The following NOXA1 variants were observed in gnomAD, a reference collection of about 807,000 sequenced individuals.
NOXA1 encodes NADPH oxidase activator 1.
In NOXA1, 56 loss-of-function variants were observed where a neutral mutation model predicts 64.8. That is an observed-to-expected ratio of 0.86 (90% CI 0.70 to 1.08). The LOEUF (loss-of-function observed/expected upper bound fraction) is 1.08, where lower values mean the gene tolerates loss of function less well. Ranked by LOEUF, NOXA1 falls within the 50% of genes least tolerant of loss-of-function variation. NOXA1 has a pLI of 0.00. For missense variants in NOXA1, 668 were observed against 658.5 expected (o/e 1.01, Z -0.16); for synonymous variants, 295 against 294.8 (o/e 1.00, Z -0.01).
rs879073978 is a variant in NOXA1, at chr9:137,429,360, G to A, written c.589G>A (p.Val197Met). 21 of 1,582,352 alleles carry A rather than the reference G, an allele frequency of 1.3e-5. No individual in the cohort carries two copies. Among genetic ancestry groups the A allele is most frequent in the East Asian group, 2.3e-5 (1 of 43,746 alleles). Residue 197 changes from valine (V) to methionine (M), a missense_variant, in exon 5 of 14, where the codon GTG becomes ATG. Transcript: ENST00000683555. Reference sequence around the variant, plus strand: ...GTGGCACCTGAAGCACTTGGAGCCCGTGGATTTCCTGGGCAAGGCCAAGGT... The same window carrying A: ...GTGGCACCTGAAGCACTTGGAGCCCATGGATTTCCTGGGCAAGGCCAAGGT... ...HRWHLKHLEPVDFLGKAKVVA... is the reference protein window; with the variant it reads ...HRWHLKHLEPMDFLGKAKVVA...
Position 137,430,449 on chromosome 9 carries a change from G to A in NOXA1, c.613-335G>A, listed in dbSNP as rs2131886860. Among the ~76,000 whole-genome samples, 3 of 152,356 alleles carry A rather than the reference G, an allele frequency of 2.0e-5. No individual in the cohort carries two copies. The East Asian group carries it at 5.8e-4, about 29-fold the overall frequency. On this transcript the variant is annotated intron_variant, in intron 5 of 13. Coordinates refer to ENST00000683555, the MANE Select transcript of NOXA1 (RefSeq NM_001256067.2). Reference sequence around the variant, plus strand: ...GCCACGGCCGACTCCTGGGCCCAGTGCAGCTGCCCAGCAGGGGAGGCCTGG... The same window carrying A: ...GCCACGGCCGACTCCTGGGCCCAGTACAGCTGCCCAGCAGGGGAGGCCTGG...
At chr9:137,432,943 A>G in intron 8 of NOXA1, 86 bp from the exon 9 acceptor site, 1 of 1,470,272 alleles carries the variant, frequency 6.8e-7, no homozygotes, top group South Asian at 1.2e-5. Flanking sequence ...CACACAGGCC[A>G]CACCCTTGGT....
intron 1 of NOXA1, among the ~76,000 whole-genome samples, chr9:137,425,435 G>A (rs1419985563): frequency 6.6e-6 from 1 of 152,062 alleles, no homozygotes; most frequent in Non-Finnish European, 1.5e-5. Context: ...TTGCAGGCTG[G>A]AGTGCAGTGG....
Position 137,426,279 on chromosome 9 carries a change from G to A in NOXA1, c.209G>A (p.Cys70Tyr). 1 of 1,613,830 alleles carries A rather than the reference G, an allele frequency of 6.2e-7. No homozygotes were observed. The highest frequency in any genetic ancestry group is 8.5e-7 in the Non-Finnish European group (1 of 1,179,976). ...GACCAAGCCGTGACCAAGGACACCT[G>A]CATGGCGGTTGGCTTCTTCCAGCGA... ...AFDQAVTKDT[C>Y]MAVGFFQRGV... The change falls in exon 2 of 14, where the codon TGC (cysteine) becomes TAC (tyrosine). Residue 70 changes from cysteine (C) to tyrosine (Y), a missense_variant. Transcript: ENST00000683555.
At chr9:137,428,824 C>T (rs1458274584) in intron 3 of NOXA1, 58 bp from the exon 4 acceptor site, 31 of 1,478,480 alleles carry the variant, frequency 2.1e-5, no homozygotes, top group East Asian at 1.3e-4. Context: ...GTGGGGGAAC[C>T]GGGAGAGGGC....
Position 137,429,035 on chromosome 9 carries a change from G to T in NOXA1, c.504+19G>T, listed in dbSNP as rs764907642. On this transcript the variant is annotated intron_variant, in intron 4 of 13. Transcript: ENST00000683555. Reference sequence around the variant, plus strand: ...AGTGCAGGTGAGGAGTGCCAGCCCGGTCATGGTTTTGGGCTGGTGCCTACC... The same window carrying T: ...AGTGCAGGTGAGGAGTGCCAGCCCGTTCATGGTTTTGGGCTGGTGCCTACC... 1 of 1,528,314 alleles carries T rather than the reference G, an allele frequency of 6.5e-7. No individual in the cohort carries two copies. The highest frequency in any genetic ancestry group is 2.3e-5 in the East Asian group (1 of 43,174). 94.7% of individuals were successfully genotyped at this position (1,528,314 alleles called of 1,614,324 possible).
At position 137,428,082 on chromosome 9, in the gene NOXA1, G is replaced by A. The variant is rs1838915429; in HGVS notation, c.310G>A (p.Gly104Ser). 5 of 1,587,984 alleles carry A rather than the reference G, an allele frequency of 3.1e-6. No homozygotes were observed. The highest frequency in any genetic ancestry group is 1.3e-5 in the African/African-American group (1 of 74,706). The part of the protein sequence containing the change: ...DFWLALEQLR[G>S]HAAIDYTQLG... ...CTGGCTGGCCCTGGAGCAGCTGAGG[G>A]GCCACGCTGCCATCGACTACACGCA... The change falls in exon 3 of 14, where the codon GGC becomes AGC. Residue 104 changes from glycine (G) to serine (S), a missense_variant. By Grantham distance (56) the Gly-to-Ser change is moderately conservative. Transcript: ENST00000683555.
intron 3 of NOXA1, 136 bp downstream of exon 3, chr9:137,428,277 C>T (rs1196764988): frequency 7.8e-6 from 5 of 641,262 alleles, no homozygotes; most frequent in African/African-American, 5.5e-5. Flanking sequence ...CTGGCCACTC[C>T]TTGACCCGCA....
chr9:137,433,220 G>T lies in NOXA1; in HGVS notation c.866G>T (p.Gly289Val), dbSNP rs367924256. ...TGTCCTACAGGGCTGCCGGCAATGG[G>T]GGGGCCTGGCCCCGGCCCCTGTGAG... ...APLSPGLPAM[G>V]GPGPGPCEDP... The change falls in exon 10 of 14, where the codon GGG (glycine) becomes GTG (valine). Residue 289 changes from glycine (G) to valine (V), a missense_variant. Gly to Val is a moderately radical substitution (Grantham distance 109, BLOSUM62 -3). Transcript: ENST00000683555. The T allele has an allele frequency of 6.2e-7, 1 of 1,606,600 alleles. No individual in the cohort carries two copies. Among genetic ancestry groups the T allele is most frequent in the Admixed American group, 1.7e-5 (1 of 58,922 alleles).
chr9:137,434,052 G>A lies in NOXA1; in HGVS notation c.1267G>A (p.Gly423Arg). The change falls in exon 13 of 14, where the codon GGG (glycine) becomes AGG (arginine). Residue 423 changes from glycine (G) to arginine (R), a missense_variant. By Grantham distance (125) the Gly-to-Arg change is moderately radical. Coordinates refer to ENST00000683555, the MANE Select transcript of NOXA1 (RefSeq NM_001256067.2). ...QGPEDLGFRQGDTVDVLCEVD... is the reference protein window; with the variant it reads ...QGPEDLGFRQRDTVDVLCEVD... Reference sequence around the variant, plus strand: ...GCCAGAGGACCTGGGCTTCCGACAGGGGGACACGGTGGACGTCCTGTGTGA... The same window carrying A: ...GCCAGAGGACCTGGGCTTCCGACAGAGGGACACGGTGGACGTCCTGTGTGA... The A allele has an allele frequency of 6.3e-7, 1 of 1,579,082 alleles. No homozygotes were observed. The highest frequency in any genetic ancestry group is 1.3e-5 in the African/African-American group (1 of 74,416).
rs143983031 is a variant in NOXA1 at position 137,433,254 on chromosome 9, G to A, written c.900G>A (p.Ala300=). ...GPGPGPCEDP[A]GAGGAGAGGS... ...GCCCCGGCCCCTGTGAGGACCCCGC[G>A]GGTGCTGGGGTAAGAGGCTCTAGAC... The change falls in exon 10 of 14, where the codon GCG becomes GCA. Residue 300 remains alanine, a synonymous_variant. Transcript: ENST00000683555. 1.1e-4 allele frequency: 167 copies of A among 1,589,550 alleles called. No homozygotes were observed. Among genetic ancestry groups the A allele is most frequent in the Middle Eastern group, 1.7e-4 (1 of 5,900 alleles).
In NOXA1 at chr9:137,423,469, G is replaced by C. The variant is rs1484207404; in HGVS notation, c.-61G>C. On this transcript the variant is annotated 5_prime_UTR_variant, in exon 1 of 14. Transcript: ENST00000683555. The stretch of plus-strand genomic sequence containing the variant: ...CCCCGCAGCCCCGCGCCGCCGCCTG[G>C]CCCCGGCCCCGGCCCCTCCGCGGGA... 2.7e-6 allele frequency: 3 copies of C among 1,125,014 alleles called. No individual in the cohort carries two copies. Among genetic ancestry groups the C allele is most frequent in the Non-Finnish European group, 3.3e-6 (3 of 899,712 alleles). 69.7% of individuals were successfully genotyped at this position (1,125,014 alleles called of 1,614,324 possible). A position where few individuals can be genotyped will look rare whatever the true frequency, so the allele number is the denominator to read the frequency against.
chr9:137,430,988 C>G (rs2131888242), intron 6 of NOXA1, 87 bp from the exon 7 acceptor site: 1 of 1,604,400 alleles, frequency 6.2e-7, no homozygotes, highest in Non-Finnish European at 8.5e-7. Context: ...TGTGTAAGAC[C>G]TGGGGAAACC....
At chr9:137,426,796 A>G (rs1838863342) in intron 2 of NOXA1, among the ~76,000 whole-genome samples, 2 of 152,370 alleles carry the variant, frequency 1.3e-5, no homozygotes, top group Non-Finnish European at 2.9e-5. Flanking sequence ...ATATTTATTT[A>G]CTTTTTAAAA....
At chr9:137,424,989 C>T (rs2131870098) in intron 1 of NOXA1, among the ~76,000 whole-genome samples, 1 of 152,300 alleles carries the variant, frequency 6.6e-6, no homozygotes, top group East Asian at 1.9e-4. Context: ...GAGGGGCAGC[C>T]CAGGGTGCAG....
Position 137,431,071 on chromosome 9 carries a change from A to C in NOXA1, c.673-4A>C. 1 of 1,613,318 alleles carries C rather than the reference A, an allele frequency of 6.2e-7. No individual in the cohort carries two copies. The highest frequency in any genetic ancestry group is 1.3e-5 in the African/African-American group (1 of 75,056). On this transcript the variant is annotated splice_region_variant and splice_polypyrimidine_tract_variant and intron_variant, in intron 6 of 13. Transcript: ENST00000683555. This position sits in a 1 kb window ranked among gnomAD's most constrained non-coding sequence, Gnocchi z 5.6. The stretch of plus-strand genomic sequence containing the variant: ...AGAGCGAGGTTGTTGCTTTGTGTCC[A>C]CAGGGACCAGGAGCGAACCATGATG...
In NOXA1 at chr9:137,434,286, G is replaced by A. The variant is rs371932076; in HGVS notation, c.1357G>A (p.Val453Met). The A allele has an allele frequency of 3.7e-5, 60 of 1,611,014 alleles. No individual in the cohort carries two copies. Among genetic ancestry groups the A allele is most frequent in the South Asian group, 2.0e-4 (18 of 91,050 alleles). The change falls in exon 14 of 14, where the codon GTG (valine) becomes ATG (methionine). Residue 453 changes from valine to methionine, a missense_variant. By Grantham distance (21) the Val-to-Met change is conservative. Coordinates refer to ENST00000683555, the MANE Select transcript of NOXA1 (RefSeq NM_001256067.2). ...GRIGIFPKCF[V>M]VPAGPRMSGA... ...CATCGGCATCTTCCCCAAGTGCTTC[G>A]TGGTCCCCGCCGGCCCTCGGATGTC...
In NOXA1 at chr9:137,434,369, T is replaced by C; in HGVS notation, c.*9T>C. ...AGGGAGATCAGCCCTAATGATGCTG[T>C]GTCCATGATGCTTTTAATAAAAACA... On this transcript the variant is annotated 3_prime_UTR_variant, in exon 14 of 14. Transcript: ENST00000683555. The C allele has an allele frequency of 9.6e-6, 15 of 1,562,416 alleles. No individual in the cohort carries two copies. Among genetic ancestry groups the C allele is most frequent in the Non-Finnish European group, 1.3e-5 (15 of 1,152,958 alleles).
chr9:137,426,882 C>T (rs1243320995), intron 2 of NOXA1, among the ~76,000 whole-genome samples: 2 of 152,164 alleles, frequency 1.3e-5, no homozygotes, highest in Non-Finnish European at 2.9e-5. Context: ...CTGCAACCTC[C>T]GCCTCCTGGG....
Sources: allele counts gnomAD v4.1 joint callset (sites outside exome capture counted in the v4.1 genomes callset), GRCh38; gene constraint gnomAD v4.1.1; non-coding constraint Gnocchi (gnomAD v3.1); transcripts MANE v1.5; gene names NCBI Gene and HGNC (gene_info 2026-07-23, HGNC 2026-07-21).